Variants in ECHDC1 observed in about 807,000 individuals in gnomAD.
The protein encoded by ECHDC1 is ethylmalonyl-CoA decarboxylase 1.
ECHDC1 carries 29 observed loss-of-function variants against 29.7 expected under a neutral mutation model. That is an observed-to-expected ratio of 0.98 (90% confidence interval 0.73 to 1.33). The LOEUF (loss-of-function observed/expected upper bound fraction) is 1.33. Among genes scored for constraint, ECHDC1 ranks in the 40% most tolerant of loss-of-function variants. ECHDC1 has a pLI of 0.00. For missense variants in ECHDC1, 328 were observed against 350.0 expected, an observed-to-expected ratio of 0.94 and a Z score of 0.50; for synonymous variants, 126 against 123.1, an observed-to-expected ratio of 1.02 and a Z score of -0.15.
rs1411618271 is a variant in ECHDC1, at chr6:127,327,070, G to A, written c.295C>T (p.Arg99Cys). The part of the protein sequence containing the change: ...NWTEGKGLIV[R>C]GAKNTFSSGS... ...GAAGAGAAAGTATTTTTTGCCCCAC[G>A]GACAATGAGGCCTTTCCCCTCTGTC... The change falls in exon 3 of 6, where the codon CGT (arginine) becomes TGT (cysteine). Residue 99 changes from arginine (R) to cysteine (C), a missense_variant. Arg to Cys is a radical substitution (Grantham distance 180). Coordinates refer to ENST00000454859, the MANE Select transcript of ECHDC1 (RefSeq NM_001002030.2). The A allele has an allele frequency of 1.4e-5, 23 of 1,613,390 alleles. No homozygotes were observed. The highest frequency in any genetic ancestry group is 6.6e-5 in the South Asian group (6 of 91,038).
intron 4 of ECHDC1, chr6:127,315,138 C>T: frequency 1.6e-6 from 1 of 642,296 alleles, no homozygotes; most frequent in Non-Finnish European, 2.9e-6. Flanking sequence ...AAAATACCTC[C>T]CTGAATCATT....
intron 1 of ECHDC1, among the ~76,000 whole-genome samples, chr6:127,333,740 AATGT>A (rs1347920099): frequency 6.6e-6 from 1 of 151,308 alleles, no homozygotes; most frequent in Admixed American, 6.6e-5. Context: ...CACCAGTTAT[AATGT>A]ATGCATTTGC....
intron 3 of ECHDC1, among the ~76,000 whole-genome samples, chr6:127,325,861 C>T (rs1363238230): frequency 3.3e-5 from 5 of 151,960 alleles, no homozygotes; most frequent in South Asian, 2.1e-4. Context: ...CCAGCACACC[C>T]GGCTAATTTT....
intron 5 of ECHDC1, among the ~76,000 whole-genome samples, chr6:127,299,692 T>C (rs1448701563): frequency 6.6e-6 from 1 of 152,164 alleles, no homozygotes; most frequent in African/African-American, 2.4e-5. Context: ...CTGTTTACAT[T>C]TAATTTTTTA....
At chr6:127,331,818 C>T in intron 1 of ECHDC1, 1 of 985,160 alleles carries the variant, frequency 1.0e-6, no homozygotes, top group South Asian at 4.7e-5. Context: ...TTATTCTTAG[C>T]ATTATTCTTA....
intron 5 of ECHDC1, among the ~76,000 whole-genome samples, chr6:127,311,707 A>G (rs112539362): frequency 1.8e-3 from 156 of 88,962 alleles, no homozygotes; most frequent in African/African-American, 6.1e-3. Context: ...AAGAAAAGAA[A>G]AAAGAAAGAA....
intron 3 of ECHDC1, among the ~76,000 whole-genome samples, chr6:127,322,539 C>G (rs1782916980): frequency 6.6e-6 from 1 of 151,932 alleles, no homozygotes; most frequent in Non-Finnish European, 1.5e-5. Flanking sequence ...AAAGAATGAA[C>G]TTTACTAAGT....
chr6:127,310,416 A>C (rs1220421925), intron 5 of ECHDC1, among the ~76,000 whole-genome samples: 3 of 152,142 alleles, frequency 2.0e-5, no homozygotes, highest in African/African-American at 7.2e-5. Context: ...AGTTGTTTTC[A>C]ATCCTCATGG....
At chr6:127,293,562 C>G (rs1323309759) in intron 5 of ECHDC1, among the ~76,000 whole-genome samples, 1 of 152,154 alleles carries the variant, frequency 6.6e-6, no homozygotes, top group Non-Finnish European at 1.5e-5. Context: ...ATCTCTGTGT[C>G]TCTTGATAGA....
At chr6:127,341,024 ATAG>A (rs1784897062) in intron 1 of ECHDC1, among the ~76,000 whole-genome samples, 1 of 152,214 alleles carries the variant, frequency 6.6e-6, no homozygotes, top group Non-Finnish European at 1.5e-5. Context: ...TATTTAAGTA[ATAG>A]TAGTATTTTG....
At chr6:127,325,257 C>T (rs901781855) in intron 3 of ECHDC1, among the ~76,000 whole-genome samples, 3 of 152,084 alleles carry the variant, frequency 2.0e-5, no homozygotes, top group Non-Finnish European at 4.4e-5. Context: ...TTCAAAACTG[C>T]CAAGGTCATG....
chr6:127,328,843 G>A (rs1002140377), intron 2 of ECHDC1, among the ~76,000 whole-genome samples: 3 of 151,988 alleles, frequency 2.0e-5, no homozygotes, highest in East Asian at 1.9e-4. Context: ...TGGCCAACAC[G>A]GTGAAACCCC....
chr6:127,325,828 G>A (rs1783273525), intron 3 of ECHDC1, among the ~76,000 whole-genome samples: 1 of 151,998 alleles, frequency 6.6e-6, no homozygotes. Flanking sequence ...AGCCTCCCAA[G>A]TAGCTGGGAC....
intron 3 of ECHDC1, among the ~76,000 whole-genome samples, chr6:127,317,097 A>G (rs1782451616): frequency 6.6e-6 from 1 of 152,096 alleles, no homozygotes; most frequent in Non-Finnish European, 1.5e-5. Flanking sequence ...GTCAAATTAA[A>G]TGACTTTTCC....
intron 2 of ECHDC1, among the ~76,000 whole-genome samples, chr6:127,329,519 A>C (rs1050739785): frequency 6.6e-6 from 1 of 152,140 alleles, no homozygotes; most frequent in East Asian, 1.9e-4. Context: ...CCCTAAACCA[A>C]CTGAACATAT....
intron 3 of ECHDC1, 141 bp from the exon 4 acceptor site, chr6:127,316,643 T>C (rs1284267828): frequency 4.5e-6 from 3 of 663,392 alleles, no homozygotes; most frequent in East Asian, 6.1e-5. Context: ...AACTCTTTGA[T>C]GTTGTCTGAA....
chr6:127,315,245 C>T (rs1782268668), intron 4 of ECHDC1: 1 of 435,668 alleles, frequency 2.3e-6, no homozygotes, highest in Non-Finnish European at 4.4e-6. Context: ...GCAGCTGGCT[C>T]TTCAGAATAA....
rs1258304143 is a variant in ECHDC1, at chr6:127,338,085, C to T, written c.-3+5251G>A. Among the ~76,000 whole-genome samples, 3 of 152,072 alleles carry T rather than the reference C, an allele frequency of 2.0e-5. No homozygotes were observed. The East Asian group carries it at 5.8e-4, about 29-fold the overall frequency. ...AGTTATTAGTTTCTTGGCATATGGA[C>T]CATTAAATTTACATTTATATGTAGA... On this transcript the variant is annotated intron_variant, in intron 1 of 5. Coordinates refer to ENST00000454859, the MANE Select transcript of ECHDC1 (RefSeq NM_001002030.2).
At position 127,334,666 on chromosome 6, in the gene ECHDC1, C is replaced by A. The variant is rs554934866; in HGVS notation, c.-2-3636G>T. Among the ~76,000 whole-genome samples the A allele has an allele frequency of 1.7e-4, 26 of 152,118 alleles. No individual in the cohort carries two copies. In the East Asian group the frequency reaches 5.0e-3, roughly 29 times the overall value. On this transcript the variant is annotated intron_variant, in intron 1 of 5. Transcript: ENST00000454859. ...ATACAGAACACCAAATAACCAGAGT[C>A]CCACAAATTTACCATGCTATTTTAT...
Sources: allele counts gnomAD v4.1 joint callset (sites outside exome capture counted in the v4.1 genomes callset), GRCh38; gene constraint gnomAD v4.1.1; transcripts MANE v1.5; gene names NCBI Gene and HGNC (gene_info 2026-07-23, HGNC 2026-07-21).